The following SP100 variants were observed in gnomAD, a reference collection of about 807,000 sequenced individuals.
SP100 encodes the protein SP100 nuclear body protein.
Under a neutral mutation model 130.0 loss-of-function variants are expected in SP100, and 84 were observed. That is an observed-to-expected ratio of 0.65 (90% CI 0.54 to 0.77). SP100 has a LOEUF of 0.77. Ranked by LOEUF, SP100 falls within the 30% of genes least tolerant of loss-of-function variation. The probability of loss-of-function intolerance (pLI) is 0.00; values close to 1 mark genes in which losing one functional copy is unlikely to be tolerated. For synonymous variants in SP100, 331 were observed against 351.7 expected (o/e 0.94, Z 0.66); for missense variants, 978 against 1,052.2 (o/e 0.93, Z 0.97).
At chr2:230,469,784 A>G (rs1331584699) in intron 14 of SP100, 1 of 1,378,878 alleles carries the variant, frequency 7.3e-7, no homozygotes. Context: ...CAAAGTTAAA[A>G]AAAAAAAAGA....
chr2:230,496,645 C>G (rs1348763448), intron 18 of SP100, among the ~76,000 whole-genome samples: 1 of 152,198 alleles, frequency 6.6e-6, no homozygotes, highest in Non-Finnish European at 1.5e-5. Context: ...GATGCATGAG[C>G]CATATTCATT....
intron 20 of SP100, 60 bp from the exon 21 acceptor site, chr2:230,504,126 G>T: frequency 1.2e-6 from 1 of 855,000 alleles, no homozygotes; most frequent in Non-Finnish European, 2.0e-6. Flanking sequence ...AGACAGGTGG[G>T]GAGGGACAAT....
chr2:230,542,403 G>T (rs1176689296), intron 28 of SP100, among the ~76,000 whole-genome samples: 1 of 152,192 alleles, frequency 6.6e-6, no homozygotes, highest in East Asian at 1.9e-4. Flanking sequence ...CAAATCAAAG[G>T]TCTCAAATGT....
At chr2:230,501,574 T>A (rs928521240) in intron 19 of SP100, among the ~76,000 whole-genome samples, 1 of 152,176 alleles carries the variant, frequency 6.6e-6, no homozygotes, top group African/African-American at 2.4e-5. Context: ...TTCTTTATGC[T>A]AGATTGAAGG....
At chr2:230,470,256 C>G in intron 15 of SP100, 158 bp downstream of exon 15, 1 of 1,342,748 alleles carries the variant, frequency 7.4e-7, no homozygotes, top group Non-Finnish European at 9.6e-7. Context: ...TGGAAAGAGG[C>G]AGGAAATTAT....
rs377731052 is a variant in SP100, at chr2:230,420,287, T to A, written c.107+2622T>A. ...TCTTCTCCCTCTTAATATTGTCTTGTGTTTTTCTGGAGAAATAATTACATC... is the reference window on the plus strand; with the variant it reads ...TCTTCTCCCTCTTAATATTGTCTTGAGTTTTTCTGGAGAAATAATTACATC... On this transcript the variant is annotated intron_variant, in intron 2 of 28. Coordinates refer to ENST00000340126, the MANE Select transcript of SP100 (RefSeq NM_001080391.2). Among the ~76,000 whole-genome samples, 25 of 152,348 alleles carry A rather than the reference T, an allele frequency of 1.6e-4. 1 individual carries two copies. The South Asian group carries it at 5.0e-3, about 30-fold the overall frequency.
chr2:230,519,218 T>A (rs891818702), intron 24 of SP100, among the ~76,000 whole-genome samples: 1 of 152,196 alleles, frequency 6.6e-6, no homozygotes, highest in Non-Finnish European at 1.5e-5. Flanking sequence ...AAGGGTATTG[T>A]CTGATATTGG....
At chr2:230,492,206 G>C (rs1000922606) in intron 17 of SP100, among the ~76,000 whole-genome samples, 2 of 152,042 alleles carry the variant, frequency 1.3e-5, no homozygotes, top group Admixed American at 1.3e-4. Context: ...TCTACTCTTG[G>C]ATTTGTCAAC....
intron 24 of SP100, chr2:230,515,293 G>T: frequency 6.2e-7 from 1 of 1,611,714 alleles, no homozygotes; most frequent in South Asian, 1.1e-5. Context: ...GAAGTTCAAG[G>T]ATCCCAATGC....
intron 7 of SP100, 32 bp from the exon 8 acceptor site, chr2:230,450,140 T>G (rs752936903): frequency 6.6e-7 from 1 of 1,506,898 alleles, no homozygotes; most frequent in Non-Finnish European, 9.2e-7. Flanking sequence ...AAGGCTCTAC[T>G]GGATCTCAGC....
At chr2:230,521,916 A>G (rs1436609261) in intron 24 of SP100, among the ~76,000 whole-genome samples, 1 of 152,184 alleles carries the variant, frequency 6.6e-6, no homozygotes, top group Non-Finnish European at 1.5e-5. Flanking sequence ...AGACAGCAAG[A>G]TCTGCTCTTC....
chr2:230,471,339 G>T (rs1333882031), intron 15 of SP100, among the ~76,000 whole-genome samples: 2 of 152,106 alleles, frequency 1.3e-5, no homozygotes, highest in Admixed American at 1.3e-4. Context: ...GTATTTTTTT[G>T]TCAGTCCGTT....
chr2:230,429,836 A>G (rs2063046520), intron 2 of SP100, among the ~76,000 whole-genome samples: 2 of 151,838 alleles, frequency 1.3e-5, no homozygotes. Flanking sequence ...CCTTTTTGGC[A>G]TTATAATTTT....
At chr2:230,481,413 G>T (rs2065827596) in intron 17 of SP100, among the ~76,000 whole-genome samples, 1 of 152,050 alleles carries the variant, frequency 6.6e-6, no homozygotes, top group Non-Finnish European at 1.5e-5. Context: ...CAAAAATGTA[G>T]AAGGTGTGCT....
In SP100 at chr2:230,466,302, G is replaced by T. The variant is rs1426590470; in HGVS notation, c.1143G>T (p.Glu381Asp). Reference sequence around the variant, plus strand: ...GGGTTTCTCCCTTTTACTTTACAGAGCCCATGGATTTCAGAAAATTATCTA... The same window carrying T: ...GGGTTTCTCCCTTTTACTTTACAGATCCCATGGATTTCAGAAAATTATCTA... ...ATCSRPQIVP[E>D]PMDFRKLSTF... The change falls in exon 12 of 29, where the codon GAG becomes GAT. Residue 381 changes from glutamate to aspartate, a missense_variant and splice_region_variant. By Grantham distance (45) the Glu-to-Asp change is conservative (BLOSUM62 2). Coordinates refer to ENST00000340126, the MANE Select transcript of SP100 (RefSeq NM_001080391.2). The T allele has an allele frequency of 3.2e-6, 5 of 1,571,928 alleles. No individual in the cohort carries two copies. Among genetic ancestry groups the T allele is most frequent in the Non-Finnish European group, 4.4e-6 (5 of 1,143,638 alleles).
At chr2:230,468,057 G>T (rs1413114091) in intron 13 of SP100, among the ~76,000 whole-genome samples, 1 of 152,134 alleles carries the variant, frequency 6.6e-6, no homozygotes, top group Non-Finnish European at 1.5e-5. Context: ...TTACAAATAA[G>T]ATCTACTTGC....
chr2:230,492,430 G>C (rs1300214861), intron 17 of SP100, among the ~76,000 whole-genome samples: 1 of 152,060 alleles, frequency 6.6e-6, no homozygotes, highest in Non-Finnish European at 1.5e-5. Flanking sequence ...TCAGCCTCAA[G>C]AGTAGTTAGG....
At chr2:230,440,383 T>C (rs1014187705) in intron 2 of SP100, 4 of 348,922 alleles carry the variant, frequency 1.1e-5, no homozygotes, top group African/African-American at 8.7e-5. Flanking sequence ...TTGAAAAGCA[T>C]TATCATTTAA....
chr2:230,480,845 C>A (rs1678199), intron 17 of SP100, among the ~76,000 whole-genome samples: 132,221 of 152,182 alleles, frequency 0.87, 58,065 homozygotes, highest in African/African-American at 0.97. Flanking sequence ...ACACCTGGCA[C>A]GTATTGGCAT....
Sources: allele counts gnomAD v4.1 joint callset (sites outside exome capture counted in the v4.1 genomes callset), GRCh38; gene constraint gnomAD v4.1.1; transcripts MANE v1.5; gene names NCBI Gene and HGNC (gene_info 2026-07-23, HGNC 2026-07-21).